The following SLC35F2 variants were observed in gnomAD, a reference collection of about 807,000 sequenced individuals.
SLC35F2 encodes the protein solute carrier family 35 member F2.
SLC35F2 carries 25 observed loss-of-function variants against 38.1 expected under a neutral mutation model. The observed-to-expected ratio is 0.66, with a 90% confidence interval of 0.48 to 0.92. The LOEUF (loss-of-function observed/expected upper bound fraction) is 0.92. Ranked by LOEUF, SLC35F2 falls within the 40% of genes least tolerant of loss-of-function variation. The pLI, the probability that SLC35F2 is intolerant of heterozygous loss-of-function variation, is 0.00. For missense variants in SLC35F2, 409 were observed against 452.9 expected, an observed-to-expected ratio of 0.90 and a Z score of 0.88; for synonymous variants, 173 against 181.7, an observed-to-expected ratio of 0.95 and a Z score of 0.38.
intron 1 of SLC35F2, among the ~76,000 whole-genome samples, chr11:107,818,996 T>G (rs1859628453): frequency 1.3e-5 from 2 of 150,876 alleles, no homozygotes; most frequent in Admixed American, 6.6e-5. Context: ...AGTGGGGGGG[T>G]GGTTATAGAT....
Position 107,792,433 on chromosome 11 carries a change from G to A in SLC35F2, c.*182C>T. 1 of 645,136 alleles carries A rather than the reference G, an allele frequency of 1.6e-6. No individual in the cohort carries two copies. Among genetic ancestry groups the A allele is most frequent in the Non-Finnish European group, 2.5e-6 (1 of 397,880 alleles). The allele number at this position is 645,136 out of a possible 1,614,324, so 40.0% of individuals were successfully genotyped here. A position where few individuals can be genotyped will look rare whatever the true frequency, so the allele number is the denominator to read the frequency against. ...GAAACACACTCTTAGCTTGGTTTCT[G>A]CTCTATTTTGGTATTTCTACTTTTG... On this transcript the variant is annotated 3_prime_UTR_variant, in exon 8 of 8. Transcript: ENST00000525815.
intron 3 of SLC35F2, among the ~76,000 whole-genome samples, chr11:107,808,496 C>T (rs1314209768): frequency 6.6e-6 from 1 of 152,166 alleles, no homozygotes; most frequent in Non-Finnish European, 1.5e-5. Context: ...CAGTAATATT[C>T]CCGAAACTGC....
chr11:107,816,136 G>T, intron 1 of SLC35F2, 171 bp from the exon 2 acceptor site: 3 of 984,864 alleles, frequency 3.0e-6, no homozygotes, highest in Non-Finnish European at 2.4e-6. Flanking sequence ...GTTACTGAAG[G>T]ACTACATTTT....
chr11:107,801,758 A>G (rs975291107), intron 7 of SLC35F2, among the ~76,000 whole-genome samples: 1 of 152,216 alleles, frequency 6.6e-6, no homozygotes, highest in East Asian at 1.9e-4. Context: ...ACATGATGCA[A>G]TCATAAGCTT....
chr11:107,802,801 CT>C (rs1185864062), intron 7 of SLC35F2, among the ~76,000 whole-genome samples, 199 bp downstream of exon 7: 1 of 152,276 alleles, frequency 6.6e-6, no homozygotes, highest in African/African-American at 2.4e-5. Flanking sequence ...ATGTATTTCA[CT>C]CTTTAGAAAA....
chr11:107,798,763 C>T lies in SLC35F2; in HGVS notation c.939+4238G>A, dbSNP rs140788923. Among the ~76,000 whole-genome samples, 138 of 152,258 alleles carry T rather than the reference C, an allele frequency of 9.1e-4. 2 individuals carry two copies. Among genetic ancestry groups the T allele is most frequent in the African/African-American group, 3.0e-3 (126 of 41,562 alleles). On this transcript the variant is annotated intron_variant, in intron 7 of 7. Coordinates refer to ENST00000525815, the MANE Select transcript of SLC35F2 (RefSeq NM_017515.5). ...TTTTTAAAACTGGTAGTGTATCAAG[C>T]TTACAATCTGCCTTTAAAAACTACT...
At chr11:107,848,462 G>A (rs903073833) in intron 1 of SLC35F2, among the ~76,000 whole-genome samples, 19 of 152,100 alleles carry the variant, frequency 1.2e-4, no homozygotes, top group African/African-American at 4.6e-4. Flanking sequence ...TTTGGAGGTG[G>A]GGCCTCTGGG....
At chr11:107,835,011 A>G (rs1859908085) in intron 1 of SLC35F2, among the ~76,000 whole-genome samples, 1 of 152,234 alleles carries the variant, frequency 6.6e-6, no homozygotes, top group Admixed American at 6.5e-5. Flanking sequence ...TCCCATAGCC[A>G]ATAAGATAAA....
At position 107,817,132 on chromosome 11, in the gene SLC35F2, G is replaced by A. The variant is rs150009751; in HGVS notation, c.111-1167C>T. Among the ~76,000 whole-genome samples, 214 of 151,848 alleles carry A rather than the reference G, an allele frequency of 1.4e-3. 1 individual carries two copies. The highest frequency in any genetic ancestry group is 5.0e-3 in the African/African-American group (209 of 41,402). The stretch of plus-strand genomic sequence containing the variant: ...CTCTACTAAAACTACAAACATTAGC[G>A]GGGTGTGGTGGCAGGCGCCTGTAAT... On this transcript the variant is annotated intron_variant, in intron 1 of 7. Transcript: ENST00000525815.
At chr11:107,825,073 G>A (rs868138095) in intron 1 of SLC35F2, among the ~76,000 whole-genome samples, 1 of 152,236 alleles carries the variant, frequency 6.6e-6, no homozygotes, top group Admixed American at 6.5e-5. Context: ...GATCAGCATT[G>A]TGCAATACTG....
chr11:107,803,018 A>C lies in SLC35F2; in HGVS notation c.922T>G (p.Phe308Val). 2 of 1,611,338 alleles carry C rather than the reference A, an allele frequency of 1.2e-6. No homozygotes were observed. The highest frequency in any genetic ancestry group is 1.7e-6 in the Non-Finnish European group (2 of 1,179,312). ...ADLYSLFVGLFLFGYKFSGLY... is the reference protein window; with the variant it reads ...ADLYSLFVGLVLFGYKFSGLY... Reference sequence around the variant, plus strand: ...TTGTTTACCTTATAGCCAAACAGAAAGAGTCCAACAAAAAGGCTGTAGAGG... The same window carrying C: ...TTGTTTACCTTATAGCCAAACAGAACGAGTCCAACAAAAAGGCTGTAGAGG... The change falls in exon 7 of 8, where the codon TTT (phenylalanine) becomes GTT (valine). Residue 308 changes from phenylalanine to valine, a missense_variant. Coordinates refer to ENST00000525815, the MANE Select transcript of SLC35F2 (RefSeq NM_017515.5).
chr11:107,835,414 C>G (rs1859915246), intron 1 of SLC35F2, among the ~76,000 whole-genome samples: 1 of 149,576 alleles, frequency 6.7e-6, no homozygotes, highest in Non-Finnish European at 1.5e-5. Context: ...TGGAAGGCAG[C>G]TTCAATAGCC....
intron 2 of SLC35F2, among the ~76,000 whole-genome samples, 195 bp downstream of exon 2, chr11:107,815,595 A>C (rs7119054): frequency 0.16 from 24,417 of 149,366 alleles, 2,937 homozygotes; most frequent in African/African-American, 0.34. Flanking sequence ...CACACACACA[A>C]AAAAAAAAAC....
At position 107,811,863 on chromosome 11, in the gene SLC35F2, A is replaced by G. The variant is rs149327587; in HGVS notation, c.287-69T>C. 170 of 1,373,452 alleles carry G rather than the reference A, an allele frequency of 1.2e-4. No homozygotes were observed. The African/African-American group carries it at 2.2e-3, about 18-fold the overall frequency. The allele number at this position is 1,373,452 out of a possible 1,614,324, so 85.1% of individuals were successfully genotyped here. A position where few individuals can be genotyped will look rare whatever the true frequency, so the allele number is the denominator to read the frequency against. ...ATACCATACATGTTGATTTGAAGAT[A>G]AAAGAGTAGAAGCAAGAGTTTCTTG... On this transcript the variant is annotated intron_variant, in intron 2 of 7. Coordinates refer to ENST00000525815, the MANE Select transcript of SLC35F2 (RefSeq NM_017515.5).
intron 1 of SLC35F2, among the ~76,000 whole-genome samples, chr11:107,835,050 TGA>T (rs576418726): frequency 3.3e-5 from 5 of 152,182 alleles, no homozygotes; most frequent in Middle Eastern, 3.4e-3. Flanking sequence ...CTGTAGAAAA[TGA>T]GAGAGAGTTA....
At chr11:107,831,626 C>T (rs780928877) in intron 1 of SLC35F2, among the ~76,000 whole-genome samples, 1 of 152,210 alleles carries the variant, frequency 6.6e-6, no homozygotes, top group Non-Finnish European at 1.5e-5. Context: ...CACCAAGCAA[C>T]ATTAATCCTA....
At chr11:107,807,786 G>C (rs1859421890) in intron 3 of SLC35F2, among the ~76,000 whole-genome samples, 2 of 152,170 alleles carry the variant, frequency 1.3e-5, no homozygotes, top group South Asian at 4.2e-4. Flanking sequence ...TGTTGGCAAG[G>C]CTGGTCTCGA....
chr11:107,794,171 C>T (rs541533586), intron 7 of SLC35F2, among the ~76,000 whole-genome samples: 227 of 151,626 alleles, frequency 1.5e-3, no homozygotes, highest in Non-Finnish European at 2.4e-3. Context: ...ACCTCTGCCT[C>T]CCGGGTTCAA....
At chr11:107,811,521 A>C in intron 3 of SLC35F2, 146 bp downstream of exon 3, 1 of 733,354 alleles carries the variant, frequency 1.4e-6, no homozygotes, top group African/African-American at 1.8e-5. Context: ...TCATTAGAGC[A>C]TATGCTCTAC....
Sources: gnomAD v4.1 joint callset for allele counts (sites outside exome capture counted in the v4.1 genomes callset) on GRCh38, gnomAD v4.1.1 for gene constraint, MANE v1.5 for transcripts, NCBI Gene and HGNC (gene_info 2026-07-23, HGNC 2026-07-21) for gene names.